SLITRK3: variants seen among roughly 807,000 people sequenced by gnomAD.
The protein encoded by SLITRK3 is SLIT and NTRK like family member 3.
A neutral mutation model predicts 63.6 loss-of-function variants in SLITRK3; 16 were observed. The observed-to-expected ratio is 0.25, with a 90% CI of 0.17 to 0.38. The LOEUF (loss-of-function observed/expected upper bound fraction) is 0.38, where lower values mean the gene tolerates loss of function less well. Among genes scored for constraint, SLITRK3 ranks in the 10% least tolerant of loss-of-function variants. SLITRK3 has a pLI of 1.00. For synonymous variants in SLITRK3, 547 were observed against 451.6 expected (o/e 1.21, Z -2.68); for missense variants, 1,117 against 1,181.4 (o/e 0.95, Z 0.80).
rs375170496 is a variant in SLITRK3 at position 165,187,941 on chromosome 3, G to A, written c.2890C>T (p.Pro964Ser). The change falls in exon 2 of 2, where the codon CCG (proline) becomes TCG (serine). Residue 964 changes from proline to serine, a missense_variant. Physicochemically the swap from Pro to Ser is moderately conservative, Grantham distance 74 (BLOSUM62 -1). Coordinates refer to ENST00000475390, the MANE Select transcript of SLITRK3 (RefSeq NM_001318810.2). ...TTCTCCAGGACTTCGAGGTAATCCG[G>A]CTTGGTTTGAAGTTTGGCCCTTAAC... ...LELRAKLQTK[P>S]DYLEVLEKTT... is the part of the protein sequence containing the mutation. 1.7e-5 allele frequency: 28 copies of A among 1,613,774 alleles called. No homozygotes were observed. Among genetic ancestry groups the A allele is most frequent in the Non-Finnish European group, 2.1e-5 (25 of 1,179,964 alleles).
intron 1 of SLITRK3, among the ~76,000 whole-genome samples, chr3:165,193,796 G>A (rs1718325377): frequency 6.6e-6 from 1 of 152,132 alleles, no homozygotes; most frequent in South Asian, 2.1e-4. Context: ...TAAGGATTTG[G>A]ATGCTTTTGT....
Position 165,188,059 on chromosome 3 carries a change from G to T in SLITRK3, c.2772C>A (p.Asp924Glu), listed in dbSNP as rs971256512. The change falls in exon 2 of 2, where the codon GAC becomes GAA. Residue 924 changes from aspartate to glutamate, a missense_variant. Transcript: ENST00000475390. ...HVHPPGMQYP[D>E]LQQDARLKET... is the part of the protein sequence containing the mutation. ...CTTTGAGCCTGGCATCCTGCTGTAA[G>T]TCTGGGTATTGCATGCCAGGAGGGT... The T allele has an allele frequency of 4.3e-6, 7 of 1,613,874 alleles. No homozygotes were observed. Among genetic ancestry groups the T allele is most frequent in the Non-Finnish European group, 5.9e-6 (7 of 1,179,980 alleles).
intron 1 of SLITRK3, among the ~76,000 whole-genome samples, chr3:165,194,459 T>C (rs766245799): frequency 3.3e-5 from 5 of 152,134 alleles, no homozygotes; most frequent in Non-Finnish European, 5.9e-5. Context: ...ATACACTAAG[T>C]AAGCAGGAGG....
Position 165,189,626 on chromosome 3 carries a change from T to C in SLITRK3, c.1205A>G (p.Glu402Gly). ...CKERGFNNISELLPRPLNAKK... is the reference protein window; with the variant it reads ...CKERGFNNISGLLPRPLNAKK... The stretch of plus-strand genomic sequence containing the variant: ...GGCATTCAAGGGCCTTGGAAGAAGT[T>C]CAGAAATGTTATTAAATCCTCGCTC... The change falls in exon 2 of 2, where the codon GAA (glutamate) becomes GGA (glycine). Residue 402 changes from glutamate to glycine, a missense_variant. Glu to Gly is a moderately conservative substitution (Grantham distance 98). Transcript: ENST00000475390. This position sits in a 1 kb window ranked among gnomAD's most constrained non-coding sequence, Gnocchi z 4.0. 6.2e-7 allele frequency: 1 copy of C among 1,614,158 alleles called. No homozygotes were observed.
chr3:165,189,570 G>T lies in SLITRK3; in HGVS notation c.1261C>A (p.Gln421Lys). Residue 421 changes from glutamine (Q) to lysine (K), a missense_variant, in exon 2 of 2, where the codon CAG (glutamine) becomes AAG (lysine). Coordinates refer to ENST00000475390, the MANE Select transcript of SLITRK3 (RefSeq NM_001318810.2). The surrounding 1 kb of genome is among the most constrained non-coding windows in gnomAD (Gnocchi z 4.0). ...CAAAAATCAGAACGGTATATTTTCT[G>T]AATCAGATTGCTACTCAGATACAGT... ...KKLYLSSNLI[Q>K]KIYRSDFWNF... is the part of the protein sequence containing the mutation. 6.2e-7 allele frequency: 1 copy of T among 1,614,148 alleles called. No individual in the cohort carries two copies. The highest frequency in any genetic ancestry group is 8.5e-7 in the Non-Finnish European group (1 of 1,180,026).
chr3:165,196,819 C>T (rs1397362466), upstream of SLITRK3: 1 of 152,140 alleles, frequency 6.6e-6, no homozygotes, highest in Non-Finnish European at 1.5e-5. Context: ...CGCCGCAGTC[C>T]TCTCGCCGCG....
Position 165,190,143 on chromosome 3 carries a change from C to T in SLITRK3, c.688G>A (p.Glu230Lys). 1 of 1,614,168 alleles carries T rather than the reference C, an allele frequency of 6.2e-7. No individual in the cohort carries two copies. Among genetic ancestry groups the T allele is most frequent in the Non-Finnish European group, 8.5e-7 (1 of 1,180,026 alleles). The change falls in exon 2 of 2, where the codon GAA (glutamate) becomes AAA (lysine). Residue 230 changes from glutamate (E) to lysine (K), a missense_variant. Physicochemically the swap from Glu to Lys is moderately conservative, Grantham distance 56. Coordinates refer to ENST00000475390, the MANE Select transcript of SLITRK3 (RefSeq NM_001318810.2). The stretch of plus-strand genomic sequence containing the variant: ...CATGTACAGTTCCAAGGGTTTTCTT[C>T]CAGCTGGAGCTCCATCAGGCTTCTG... The part of the protein sequence containing the change: ...IGRSLMELQL[E>K]ENPWNCTCEI...
At position 165,190,870 on chromosome 3, in the gene SLITRK3, T is replaced by C; in HGVS notation, c.-21-19A>G. 1 of 1,515,802 alleles carries C rather than the reference T, an allele frequency of 6.6e-7. No individual in the cohort carries two copies. The highest frequency in any genetic ancestry group is 1.3e-5 in the South Asian group (1 of 74,646). The allele number at this position is 1,515,802 out of a possible 1,614,324, so 93.9% of individuals were successfully genotyped here. On this transcript the variant is annotated intron_variant, in intron 1 of 1. Coordinates refer to ENST00000475390, the MANE Select transcript of SLITRK3 (RefSeq NM_001318810.2). ...TACAAAACTGCAACAGAAATAAAAA[T>C]GCAGATTTTTAGCTTTTAGTCATAT...
Position 165,190,566 on chromosome 3 carries a change from T to C in SLITRK3, c.265A>G (p.Met89Val), listed in dbSNP as rs1394849689. Reference sequence around the variant, plus strand: ...AAACTGTTGGTATATAATTTCCTCATAGAATTCCTCTGCAGATACAGTTTA... The same window carrying C: ...AAACTGTTGGTATATAATTTCCTCACAGAATTCCTCTGCAGATACAGTTTA... The part of the protein sequence containing the change: ...PFKLYLQRNS[M>V]RKLYTNSFLH... The change falls in exon 2 of 2, where the codon ATG (methionine) becomes GTG (valine). Residue 89 changes from methionine (M) to valine (V), a missense_variant. Physicochemically the swap from Met to Val is conservative, Grantham distance 21. Transcript: ENST00000475390. 1.2e-6 allele frequency: 2 copies of C among 1,613,844 alleles called. No homozygotes were observed. Among genetic ancestry groups the C allele is most frequent in the Non-Finnish European group, 1.7e-6 (2 of 1,180,000 alleles).
Position 165,190,738 on chromosome 3 carries a change from A to G in SLITRK3, c.93T>C (p.Ile31=). ...STIALGWTTP[I]PLIEDSEEID... ...TTTCCTCTGAGTCCTCTATTAGGGG[A>G]ATCGGGGTAGTCCATCCTAGAGCAA... Residue 31 remains isoleucine (I), a synonymous_variant, in exon 2 of 2, where the codon ATT becomes ATC. Transcript: ENST00000475390. 6.2e-7 allele frequency: 1 copy of G among 1,614,084 alleles called. No individual in the cohort carries two copies. Among genetic ancestry groups the G allele is most frequent in the Non-Finnish European group, 8.5e-7 (1 of 1,179,988 alleles).
upstream of SLITRK3, among the ~76,000 whole-genome samples, chr3:165,196,430 T>G (rs2108213109): frequency 3.9e-5 from 1 of 25,630 alleles, no homozygotes; most frequent in East Asian, 1.0e-3. Flanking sequence ...CGGGAGAAGG[T>G]GCGGGGGAGG....
Position 165,189,330 on chromosome 3 carries a change from T to C in SLITRK3, c.1501A>G (p.Ser501Gly), listed in dbSNP as rs765896614. Residue 501 changes from serine to glycine, a missense_variant, in exon 2 of 2, where the codon AGC becomes GGC. By Grantham distance (56) the Ser-to-Gly change is moderately conservative. This residue lies in a region of SLITRK3 where 158 missense variants were observed against 197.2 expected (regional missense o/e 0.80). Transcript: ENST00000475390. The surrounding 1 kb of genome is among the most constrained non-coding windows in gnomAD (Gnocchi z 4.0). ...VIREIQPAAF[S>G]LMPNLKLLFL... ...AGCAGCTTCAAGTTGGGCATGAGGCTGAAGGCTGCAGGCTGGATTTCCCGG... is the reference window on the plus strand; with the variant it reads ...AGCAGCTTCAAGTTGGGCATGAGGCCGAAGGCTGCAGGCTGGATTTCCCGG... The C allele has an allele frequency of 6.2e-7, 1 of 1,614,214 alleles. No homozygotes were observed. The highest frequency in any genetic ancestry group is 1.1e-5 in the South Asian group (1 of 91,090).
intron 1 of SLITRK3, among the ~76,000 whole-genome samples, chr3:165,191,159 G>A (rs941995008): frequency 6.6e-6 from 1 of 152,260 alleles, no homozygotes; most frequent in Admixed American, 6.5e-5. Context: ...CTGGTATATC[G>A]TACTTCCTTT....
upstream of SLITRK3, chr3:165,196,897 G>GTCTCTCTGTCTC (rs1718450537): frequency 1.0e-5 from 1 of 96,474 alleles, no homozygotes; most frequent in Non-Finnish European, 2.0e-5. Context: ...CTCTCTCTCT[G>GTCTCTCTGTCTC]TCTCTCTCTC....
chr3:165,189,182 T>G lies in SLITRK3; in HGVS notation c.1649A>C (p.His550Pro). ...LYLPVAGVLEHLNAIVQIDLN... is the reference protein window; with the variant it reads ...LYLPVAGVLEPLNAIVQIDLN... ...GTCTATCTGGACAATGGCATTCAAGTGTTCCAGGACACCAGCCACGGGAAG... is the reference window on the plus strand; with the variant it reads ...GTCTATCTGGACAATGGCATTCAAGGGTTCCAGGACACCAGCCACGGGAAG... Residue 550 changes from histidine (H) to proline (P), a missense_variant, in exon 2 of 2, where the codon CAC becomes CCC. Coordinates refer to ENST00000475390, the MANE Select transcript of SLITRK3 (RefSeq NM_001318810.2). The surrounding 1 kb of genome is among the most constrained non-coding windows in gnomAD (Gnocchi z 4.0). 3.1e-6 allele frequency: 5 copies of G among 1,614,154 alleles called. No homozygotes were observed. The highest frequency in any genetic ancestry group is 4.2e-6 in the Non-Finnish European group (5 of 1,180,018).
chr3:165,194,275 T>G (rs1228413175), intron 1 of SLITRK3, among the ~76,000 whole-genome samples: 1 of 152,132 alleles, frequency 6.6e-6, no homozygotes, highest in Non-Finnish European at 1.5e-5. Flanking sequence ...AAAAGCAAAT[T>G]TTAAAGCAAA....
Position 165,189,685 on chromosome 3 carries a change from G to A in SLITRK3, c.1146C>T (p.His382=), listed in dbSNP as rs1002173973. The A allele has an allele frequency of 2.5e-6, 4 of 1,614,152 alleles. No homozygotes were observed. The highest frequency in any genetic ancestry group is 3.4e-6 in the Non-Finnish European group (4 of 1,180,018). Residue 382 remains histidine, a synonymous_variant, in exon 2 of 2, where the codon CAC becomes CAT. Coordinates refer to ENST00000475390, the MANE Select transcript of SLITRK3 (RefSeq NM_001318810.2). This position sits in a 1 kb window ranked among gnomAD's most constrained non-coding sequence, Gnocchi z 4.0. ...ICPTGCTCNL[H]INDLGLTVNC... is the part of the protein sequence containing the mutation. The stretch of plus-strand genomic sequence containing the variant: ...TGACAGTCAAGCCAAGGTCATTGAT[G>A]TGCAAATTACAGGTACACCCAGTGG...
At chr3:165,196,898 T>C (rs1167327966), upstream of SLITRK3, 1 of 45,996 alleles carries the variant, frequency 2.2e-5, no homozygotes, top group East Asian at 3.8e-4. Context: ...TCTCTCTCTG[T>C]CTCTCTCTCT....
intron 1 of SLITRK3, among the ~76,000 whole-genome samples, chr3:165,193,749 C>T (rs1179011183): frequency 6.6e-6 from 1 of 151,972 alleles, no homozygotes. Context: ...TTTCACATTG[C>T]GCCACCGGGA....
Sources: allele counts gnomAD v4.1 joint callset (sites outside exome capture counted in the v4.1 genomes callset), GRCh38; gene constraint gnomAD v4.1.1; regional missense constraint gnomAD v4.1.1; non-coding constraint Gnocchi (gnomAD v3.1); transcripts MANE v1.5; gene names NCBI Gene and HGNC (gene_info 2026-07-23, HGNC 2026-07-21).